FGF7: variants seen among roughly 807,000 people sequenced by gnomAD.
The protein encoded by FGF7 is FGF-7.
A neutral mutation model predicts 20.5 loss-of-function variants in FGF7; 6 were observed. The observed-to-expected ratio is 0.29, with a 90% CI of 0.16 to 0.58. The LOEUF is 0.58. Among genes scored for constraint, FGF7 ranks in the 20% least tolerant of loss-of-function variants. The pLI, the probability that FGF7 is intolerant of heterozygous loss-of-function variation, is 0.90. For synonymous variants in FGF7, 64 were observed against 74.7 expected (o/e 0.86, Z 0.74); for missense variants, 144 against 228.8 (o/e 0.63, Z 2.39).
intron 2 of FGF7, among the ~76,000 whole-genome samples, chr15:49,426,531 G>T (rs11635308): frequency 0.17 from 25,896 of 151,688 alleles, 2,461 homozygotes; most frequent in Non-Finnish European, 0.21. Context: ...TCTTCAACTG[G>T]AATACATTTG....
intron 2 of FGF7, among the ~76,000 whole-genome samples, chr15:49,455,279 ATG>A (rs1477764972): frequency 1.3e-5 from 2 of 152,132 alleles, no homozygotes; most frequent in African/African-American, 4.8e-5. Flanking sequence ...GGTATCCCTA[ATG>A]TATAGCGCTT....
At chr15:49,479,840 C>T (rs12441004) in intron 2 of FGF7, among the ~76,000 whole-genome samples, 40,755 of 151,916 alleles carry the variant, frequency 0.27, 5,730 homozygotes, top group East Asian at 0.38. Context: ...TCTTGAACTC[C>T]TGACCTCAGG....
At chr15:49,462,594 T>C (rs962564120) in intron 2 of FGF7, among the ~76,000 whole-genome samples, 1 of 152,180 alleles carries the variant, frequency 6.6e-6, no homozygotes, top group Non-Finnish European at 1.5e-5. Context: ...CTGGAAAGTA[T>C]AGAGTAGGGA....
intron 2 of FGF7, among the ~76,000 whole-genome samples, chr15:49,458,818 T>C (rs1164343646): frequency 6.6e-6 from 1 of 152,172 alleles, no homozygotes. Context: ...AAATAAGTCT[T>C]GCAGATGAAT....
At chr15:49,454,900 G>A (rs1018467284) in intron 2 of FGF7, among the ~76,000 whole-genome samples, 4 of 152,004 alleles carry the variant, frequency 2.6e-5, no homozygotes, top group African/African-American at 9.7e-5. Context: ...TGAGCCACTG[G>A]ACCCAGCCAT....
At chr15:49,455,658 C>A (rs2053216760) in intron 2 of FGF7, among the ~76,000 whole-genome samples, 4 of 152,164 alleles carry the variant, frequency 2.6e-5, no homozygotes, top group Admixed American at 2.6e-4. Flanking sequence ...TATTTCTAAA[C>A]AGACATATTT....
intron 2 of FGF7, among the ~76,000 whole-genome samples, chr15:49,457,428 T>A (rs1277086163): frequency 6.6e-6 from 1 of 152,050 alleles, no homozygotes; most frequent in East Asian, 1.9e-4. Context: ...TTTGGAAAAT[T>A]ATGATGCCAT....
At chr15:49,479,601 T>G (rs2055713566) in intron 2 of FGF7, among the ~76,000 whole-genome samples, 1 of 26,310 alleles carries the variant, frequency 3.8e-5, no homozygotes, top group Non-Finnish European at 1.0e-4. Flanking sequence ...ATACCTCTGT[T>G]TTTTTTTTTT....
chr15:49,472,225 T>C lies in FGF7; in HGVS notation c.287-10926T>C, dbSNP rs138808308. 5.8e-3 allele frequency among the ~76,000 whole-genome samples: 882 copies of C among 152,314 alleles called. 8 individuals are homozygous for C. The highest frequency in any genetic ancestry group is 0.02 in the African/African-American group (845 of 41,568). ...TCAGTTTGGCTTAAAAAATTGTTTA[T>C]TTCTCCATGCAATAAACATCTGGAG... On this transcript the variant is annotated intron_variant, in intron 2 of 3. Transcript: ENST00000267843.
chr15:49,437,936 A>G (rs1353659675), intron 2 of FGF7, among the ~76,000 whole-genome samples: 1 of 151,662 alleles, frequency 6.6e-6, no homozygotes, highest in Non-Finnish European at 1.5e-5. Flanking sequence ...CAAAAAACAT[A>G]TTTTAACCAC....
At chr15:49,465,023 G>A (rs926403192) in intron 2 of FGF7, among the ~76,000 whole-genome samples, 1 of 152,136 alleles carries the variant, frequency 6.6e-6, no homozygotes, top group Admixed American at 6.5e-5. Flanking sequence ...GTCTAGTTAA[G>A]AAACTATAAT....
At chr15:49,435,558 T>C (rs537916587) in intron 2 of FGF7, among the ~76,000 whole-genome samples, 1 of 151,706 alleles carries the variant, frequency 6.6e-6, no homozygotes, top group South Asian at 2.1e-4. Context: ...TAATGTGTTA[T>C]AAAATAATGT....
intron 2 of FGF7, among the ~76,000 whole-genome samples, chr15:49,449,951 A>T (rs2052572902): frequency 6.6e-6 from 1 of 152,126 alleles, no homozygotes; most frequent in Non-Finnish European, 1.5e-5. Flanking sequence ...CCACAGACAT[A>T]TGCAAAGAAA....
chr15:49,461,445 T>C (rs2053787074), intron 2 of FGF7, among the ~76,000 whole-genome samples: 1 of 152,238 alleles, frequency 6.6e-6, no homozygotes, highest in South Asian at 2.1e-4. Context: ...GAGTGGCTTA[T>C]CTGACATCAT....
chr15:49,482,133 G>T (rs1163186192), intron 2 of FGF7, among the ~76,000 whole-genome samples: 1 of 152,080 alleles, frequency 6.6e-6, no homozygotes, highest in East Asian at 1.9e-4. Context: ...ATAGGTAAAA[G>T]AATGTCTCAG....
intron 2 of FGF7, among the ~76,000 whole-genome samples, chr15:49,449,644 A>C (rs551197979): frequency 6.6e-6 from 1 of 152,144 alleles, no homozygotes; most frequent in East Asian, 1.9e-4. Context: ...AATATGCCAT[A>C]CTGTCGGCTC....
intron 2 of FGF7, among the ~76,000 whole-genome samples, chr15:49,427,986 G>A (rs557659301): frequency 1.3e-5 from 2 of 152,040 alleles, no homozygotes; most frequent in East Asian, 3.9e-4. Flanking sequence ...GTGTTGTTTT[G>A]TAAAATATTT....
chr15:49,484,128 C>A (rs943231988), intron 3 of FGF7, among the ~76,000 whole-genome samples, 182 bp from the exon 4 acceptor site: 1 of 151,812 alleles, frequency 6.6e-6, no homozygotes, highest in African/African-American at 2.4e-5. Flanking sequence ...TTTAAGATAC[C>A]TTTTTATGCA....
chr15:49,479,451 G>A (rs28408092), intron 2 of FGF7, among the ~76,000 whole-genome samples: 27,898 of 151,958 alleles, frequency 0.18, 3,173 homozygotes, highest in Non-Finnish European at 0.25. Context: ...GTGAGGCAAC[G>A]GATACACTGT....
Sources: allele counts gnomAD v4.1 joint callset (sites outside exome capture counted in the v4.1 genomes callset), GRCh38; gene constraint gnomAD v4.1.1; transcripts MANE v1.5; gene names NCBI Gene and HGNC (gene_info 2026-07-23, HGNC 2026-07-21).